The following MSRA variants were observed in gnomAD, a reference collection of about 807,000 sequenced individuals.
MSRA encodes mitochondrial peptide methionine sulfoxide reductase.
MSRA carries 54 observed loss-of-function variants against 31.3 expected under a neutral mutation model. The observed-to-expected ratio is 1.73, with a 90% confidence interval of 1.39 to 2.17. The LOEUF is 2.17. Among genes scored for constraint, MSRA ranks in the 30% most tolerant of loss-of-function variants. The pLI is 0.00. For missense variants in MSRA, 507 were observed against 300.9 expected, an observed-to-expected ratio of 1.69 and a Z score of -5.07; for synonymous variants, 169 against 116.5, an observed-to-expected ratio of 1.45 and a Z score of -2.90.
intron 5 of MSRA, among the ~76,000 whole-genome samples, chr8:10,344,984 G>A (rs780698729): frequency 6.6e-6 from 1 of 152,178 alleles, no homozygotes; most frequent in Non-Finnish European, 1.5e-5. Flanking sequence ...GACAGCATTC[G>A]GTTTGGCGGG....
intron 5 of MSRA, among the ~76,000 whole-genome samples, chr8:10,365,153 A>C (rs1374965220): frequency 6.6e-6 from 1 of 151,424 alleles, no homozygotes; most frequent in Non-Finnish European, 1.5e-5. Context: ...AAAAAAAAAA[A>C]AAAAAAAAAA....
At chr8:10,387,020 A>T (rs1713228948) in intron 5 of MSRA, among the ~76,000 whole-genome samples, 1 of 152,152 alleles carries the variant, frequency 6.6e-6, no homozygotes, top group Admixed American at 6.5e-5. Flanking sequence ...TAAAGTACAG[A>T]TTCCAACTCA....
chr8:10,134,698 T>A (rs1218606182), intron 1 of MSRA, among the ~76,000 whole-genome samples: 1 of 152,228 alleles, frequency 6.6e-6, no homozygotes, highest in Non-Finnish European at 1.5e-5. Context: ...ACAGTCCGAC[T>A]GCTTTAGAGA....
rs192915760 is a variant in MSRA at position 10,339,334 on chromosome 8, T to G, written c.543+19345T>G. On this transcript the variant is annotated intron_variant, in intron 5 of 5. Transcript: ENST00000317173. ...TTTTCTTCAGAAGGCAACTCATGTT[T>G]GAAATTAGACTTGACCTTGTTTCAT... Among the ~76,000 whole-genome samples, 143 of 152,314 alleles carry G rather than the reference T, an allele frequency of 9.4e-4. 2 individuals are homozygous for G. In the South Asian group the frequency reaches 0.028, roughly 30 times the overall value.
intron 1 of MSRA, among the ~76,000 whole-genome samples, chr8:10,161,963 G>A (rs78806791): frequency 0.018 from 2,746 of 152,262 alleles, 85 homozygotes; most frequent in African/African-American, 0.062. Context: ...ATACAAGAGC[G>A]CACTGCATGG....
intron 3 of MSRA, among the ~76,000 whole-genome samples, chr8:10,265,779 C>G (rs2952187): frequency 0.83 from 126,396 of 152,198 alleles, 52,755 homozygotes; most frequent in East Asian, 0.96. Flanking sequence ...CACCCCGCAG[C>G]CCTGGTGCCC....
At chr8:10,358,802 C>T (rs1585576264) in intron 5 of MSRA, among the ~76,000 whole-genome samples, 5 of 148,328 alleles carry the variant, frequency 3.4e-5, no homozygotes, top group South Asian at 2.1e-4. Flanking sequence ...CCGTTTTAGC[C>T]GGGATGGTCT....
chr8:10,349,346 T>C (rs910784242), intron 5 of MSRA, among the ~76,000 whole-genome samples: 1 of 152,200 alleles, frequency 6.6e-6, no homozygotes, highest in Non-Finnish European at 1.5e-5. Context: ...GCCGTGCTCT[T>C]CCCCATTCTC....
intron 1 of MSRA, among the ~76,000 whole-genome samples, chr8:10,180,469 C>T (rs1806442944): frequency 6.6e-6 from 1 of 152,160 alleles, no homozygotes; most frequent in African/African-American, 2.4e-5. Context: ...CTGGCCTCTT[C>T]CCTCCTCAGA....
intron 1 of MSRA, among the ~76,000 whole-genome samples, chr8:10,128,297 T>G (rs978749055): frequency 6.6e-6 from 1 of 151,936 alleles, no homozygotes; most frequent in Non-Finnish European, 1.5e-5. Context: ...GAGAATCACT[T>G]GAACCTGGGA....
chr8:10,169,916 T>C (rs1563177142), intron 1 of MSRA, among the ~76,000 whole-genome samples: 1 of 128,554 alleles, frequency 7.8e-6, no homozygotes, highest in Non-Finnish European at 1.5e-5. Flanking sequence ...TTTCTTTCTT[T>C]CTTTTTTTTT....
chr8:10,402,350 A>G (rs2129184417), intron 5 of MSRA, among the ~76,000 whole-genome samples: 1 of 152,370 alleles, frequency 6.6e-6, no homozygotes, highest in Middle Eastern at 3.4e-3. Context: ...GAACCGTGAC[A>G]GGCCTCTGAT....
chr8:10,249,471 C>T (rs1179131876), intron 3 of MSRA, among the ~76,000 whole-genome samples: 2 of 152,186 alleles, frequency 1.3e-5, no homozygotes, highest in African/African-American at 2.4e-5. Flanking sequence ...CCCATAATTT[C>T]ATTTAAACCT....
At chr8:10,298,680 T>C (rs933601584) in intron 3 of MSRA, among the ~76,000 whole-genome samples, 1 of 152,198 alleles carries the variant, frequency 6.6e-6, no homozygotes, top group African/African-American at 2.4e-5. Context: ...TACCATATCA[T>C]TGTTGTTCAC....
intron 5 of MSRA, among the ~76,000 whole-genome samples, chr8:10,327,453 G>A (rs866323235): frequency 1.3e-5 from 2 of 152,102 alleles, no homozygotes; most frequent in African/African-American, 4.8e-5. Context: ...TGTACAAATG[G>A]GTTCCAGCTA....
chr8:10,152,416 T>C (rs1001225686), intron 1 of MSRA, among the ~76,000 whole-genome samples: 5 of 152,166 alleles, frequency 3.3e-5, no homozygotes, highest in Admixed American at 2.6e-4. Flanking sequence ...GTGTGTCAGC[T>C]TCTTTTTGCC....
intron 3 of MSRA, among the ~76,000 whole-genome samples, chr8:10,258,096 G>T (rs905643686): frequency 6.6e-6 from 1 of 152,132 alleles, no homozygotes; most frequent in Non-Finnish European, 1.5e-5. Context: ...GGATAGGGAG[G>T]GGGTAGGCTA....
intron 1 of MSRA, among the ~76,000 whole-genome samples, chr8:10,079,122 A>G (rs1001903185): frequency 1.4e-4 from 21 of 152,080 alleles, no homozygotes; most frequent in Non-Finnish European, 2.1e-4. Flanking sequence ...GTCAAGAACC[A>G]GGTGAGAGAT....
At position 10,252,900 on chromosome 8, in the gene MSRA, G is replaced by A. The variant is rs114339314; in HGVS notation, c.331+7677G>A. 4.5e-3 allele frequency among the ~76,000 whole-genome samples: 689 copies of A among 152,256 alleles called. 2 individuals are homozygous for A. Among genetic ancestry groups the A allele is most frequent in the African/African-American group, 0.015 (643 of 41,540 alleles). On this transcript the variant is annotated intron_variant, in intron 3 of 5. Coordinates refer to ENST00000317173, the MANE Select transcript of MSRA (RefSeq NM_012331.5). The stretch of plus-strand genomic sequence containing the variant: ...CTAAAATTTGAGTGACTCTATGGGG[G>A]TTCTCTGGCAGTATCTAGGCGAAAT...
Sources: allele counts gnomAD v4.1 joint callset (sites outside exome capture counted in the v4.1 genomes callset), GRCh38; gene constraint gnomAD v4.1.1; transcripts MANE v1.5; gene names NCBI Gene and HGNC (gene_info 2026-07-23, HGNC 2026-07-21).